Variants in DNER observed in about 807,000 individuals in gnomAD.
DNER encodes delta and Notch-like epidermal growth factor-related receptor.
In DNER, 33 loss-of-function variants were observed where a neutral mutation model predicts 78.2. That is an observed-to-expected ratio of 0.42 (90% CI 0.32 to 0.56). The LOEUF is 0.56. Ranked by LOEUF, DNER falls within the 20% of genes least tolerant of loss-of-function variation. DNER has a pLI of 0.11. For synonymous variants in DNER, 417 were observed against 384.8 expected (o/e 1.08, Z -0.98); for missense variants, 918 against 975.3 (o/e 0.94, Z 0.78).
At chr2:229,682,437 C>G (rs1202279195) in intron 1 of DNER, among the ~76,000 whole-genome samples, 1 of 152,192 alleles carries the variant, frequency 6.6e-6, no homozygotes, top group African/African-American at 2.4e-5. Flanking sequence ...TTTCAAAATA[C>G]TCACAAAGAG....
intron 6 of DNER, among the ~76,000 whole-genome samples, chr2:229,499,761 C>T (rs980585965): frequency 6.6e-5 from 10 of 151,836 alleles, no homozygotes; most frequent in Non-Finnish European, 1.3e-4. Flanking sequence ...GCAAAAGAAG[C>T]GATCAATGGA....
At chr2:229,666,342 G>T (rs1347563959) in intron 1 of DNER, among the ~76,000 whole-genome samples, 1 of 152,022 alleles carries the variant, frequency 6.6e-6, no homozygotes, top group Non-Finnish European at 1.5e-5. Flanking sequence ...ATCTGATATG[G>T]CTCATTATAA....
intron 6 of DNER, among the ~76,000 whole-genome samples, chr2:229,477,603 A>G (rs1366451523): frequency 1.3e-5 from 2 of 152,212 alleles, no homozygotes; most frequent in African/African-American, 4.8e-5. Context: ...AGGAATTTAC[A>G]GTGTTCAGCT....
intron 7 of DNER, among the ~76,000 whole-genome samples, chr2:229,462,956 A>T (rs1694733361): frequency 6.6e-6 from 1 of 152,104 alleles, no homozygotes; most frequent in Non-Finnish European, 1.5e-5. Context: ...TTAATTTTTG[A>T]CATAAGTGTT....
intron 10 of DNER, among the ~76,000 whole-genome samples, chr2:229,400,333 G>C (rs1477899695): frequency 2.0e-5 from 3 of 151,970 alleles, no homozygotes; most frequent in African/African-American, 7.2e-5. Flanking sequence ...TCCTCACTTT[G>C]TCAGCTGAGA....
chr2:229,681,060 A>G (rs1191895071), intron 1 of DNER, among the ~76,000 whole-genome samples: 1 of 152,220 alleles, frequency 6.6e-6, no homozygotes, highest in Non-Finnish European at 1.5e-5. Flanking sequence ...GGGTATGCTG[A>G]TAAAAGTTTA....
intron 5 of DNER, among the ~76,000 whole-genome samples, chr2:229,514,262 C>T (rs1043022725): frequency 1.3e-5 from 2 of 152,102 alleles, no homozygotes; most frequent in African/African-American, 4.8e-5. Flanking sequence ...TTTTAGTACA[C>T]GTCAGAGTTT....
intron 9 of DNER, among the ~76,000 whole-genome samples, chr2:229,416,392 G>C (rs1002375650): frequency 6.6e-6 from 1 of 152,180 alleles, no homozygotes; most frequent in African/African-American, 2.4e-5. Context: ...CTAGTGGGTG[G>C]AAATCTTGGC....
chr2:229,620,790 GAA>G (rs1000392779), intron 1 of DNER, among the ~76,000 whole-genome samples: 1 of 152,186 alleles, frequency 6.6e-6, no homozygotes, highest in African/African-American at 2.4e-5. Flanking sequence ...GTGATGAGAT[GAA>G]AAAGAGGCCA....
chr2:229,428,637 T>C (rs2106353967), intron 8 of DNER, among the ~76,000 whole-genome samples: 1 of 151,122 alleles, frequency 6.6e-6, no homozygotes, highest in African/African-American at 2.4e-5. Context: ...ACAAAAAGAA[T>C]TGACAGGTTC....
chr2:229,636,430 G>A (rs1293969439), intron 1 of DNER, among the ~76,000 whole-genome samples: 2 of 152,216 alleles, frequency 1.3e-5, no homozygotes, highest in Non-Finnish European at 2.9e-5. Context: ...AGACAGGATA[G>A]ATGGGGAAAC....
intron 7 of DNER, among the ~76,000 whole-genome samples, chr2:229,460,347 G>A (rs1185091452): frequency 6.6e-6 from 1 of 151,584 alleles, no homozygotes; most frequent in Admixed American, 6.6e-5. Context: ...GTGTAATGTT[G>A]AGAGCTTTTT....
intron 1 of DNER, among the ~76,000 whole-genome samples, chr2:229,672,237 G>A (rs1050438467): frequency 2.0e-5 from 3 of 152,148 alleles, no homozygotes; most frequent in African/African-American, 7.2e-5. Context: ...TGTCCTGTCT[G>A]GGGTAGCTGA....
intron 4 of DNER, among the ~76,000 whole-genome samples, chr2:229,551,630 G>GT (rs1368622518): frequency 6.7e-6 from 1 of 148,258 alleles, no homozygotes; most frequent in Non-Finnish European, 1.5e-5. Flanking sequence ...GTGAAACCCC[G>GT]TTTAAAAAAA....
chr2:229,629,727 G>A (rs922482885), intron 1 of DNER, among the ~76,000 whole-genome samples: 2 of 152,248 alleles, frequency 1.3e-5, no homozygotes, highest in African/African-American at 4.8e-5. Context: ...AAAAGTCTTC[G>A]CTGGGCATTC....
chr2:229,367,034 G>A lies in DNER; in HGVS notation c.1941C>T (p.Cys647=), dbSNP rs138706796. 5.5e-5 allele frequency: 89 copies of A among 1,613,966 alleles called. No homozygotes were observed. Among genetic ancestry groups the A allele is most frequent in the Non-Finnish European group, 7.1e-5 (84 of 1,179,996 alleles). The change falls in exon 12 of 13, where the codon TGC becomes TGT. Residue 647 remains cysteine, a synonymous_variant. Coordinates refer to ENST00000341772, the MANE Select transcript of DNER (RefSeq NM_139072.4). ...HSLYIIIGAL[C]VAFILMLIIL... ...TGATCAGCATAAGGATGAAGGCCAC[G>A]CAGAGGGCTCCAATGATGATGTAGA...
chr2:229,656,020 T>C (rs1544676), intron 1 of DNER, among the ~76,000 whole-genome samples: 145,499 of 152,180 alleles, frequency 0.96, 69,618 homozygotes, highest in East Asian at 0.99. Context: ...GGAGGAAGCC[T>C]GGCCCCACCC....
chr2:229,453,333 G>A (rs1375966552), intron 7 of DNER, among the ~76,000 whole-genome samples: 2 of 146,106 alleles, frequency 1.4e-5, no homozygotes, highest in African/African-American at 2.4e-5. Context: ...GAAAATACAG[G>A]AGGAGGCTGC....
At chr2:229,652,603 C>G (rs1346803960) in intron 1 of DNER, among the ~76,000 whole-genome samples, 1 of 152,198 alleles carries the variant, frequency 6.6e-6, no homozygotes, top group African/African-American at 2.4e-5. Context: ...GGGAGGCAAC[C>G]TGACTGCTCT....
Sources: allele counts gnomAD v4.1 joint callset (sites outside exome capture counted in the v4.1 genomes callset), GRCh38; gene constraint gnomAD v4.1.1; transcripts MANE v1.5; gene names NCBI Gene and HGNC (gene_info 2026-07-23, HGNC 2026-07-21).